The following MAPK14 variants were observed in gnomAD, a reference collection of about 807,000 sequenced individuals.
MAPK14 encodes the protein CSAID-binding protein.
In MAPK14, 16 loss-of-function variants were observed where a neutral mutation model predicts 49.6. That is an observed-to-expected ratio of 0.32 (90% CI 0.22 to 0.49). The LOEUF is 0.49. MAPK14 is among the 20% of genes least tolerant of loss of function. The pLI, the probability that MAPK14 is intolerant of heterozygous loss-of-function variation, is 0.99. For synonymous variants in MAPK14, 142 were observed against 158.0 expected (o/e 0.90, Z 0.76); for missense variants, 200 against 441.2 (o/e 0.45, Z 4.90).
chr6:36,050,596 G>A (rs1169493111), intron 1 of MAPK14, among the ~76,000 whole-genome samples: 2 of 152,176 alleles, frequency 1.3e-5, no homozygotes, highest in Non-Finnish European at 2.9e-5. Flanking sequence ...AGATCTTCTG[G>A]ATAGAAACTA....
chr6:36,071,408 G>T (rs914455980), intron 3 of MAPK14, among the ~76,000 whole-genome samples: 1 of 152,102 alleles, frequency 6.6e-6, no homozygotes, highest in Non-Finnish European at 1.5e-5. Flanking sequence ...ATACAGTAAT[G>T]AGTGGGTTAA....
At chr6:36,091,652 T>C (rs1432949801) in intron 8 of MAPK14, among the ~76,000 whole-genome samples, 1 of 152,216 alleles carries the variant, frequency 6.6e-6, no homozygotes, top group Non-Finnish European at 1.5e-5. Context: ...ATTTGCCAGC[T>C]TTTGAAGAAC....
intron 8 of MAPK14, among the ~76,000 whole-genome samples, chr6:36,090,138 T>TA (rs536628500): frequency 8.7e-4 from 99 of 113,600 alleles, no homozygotes; most frequent in African/African-American, 2.0e-3. Context: ...TTCTTATATA[T>TA]TTTTTTTTAT....
intron 8 of MAPK14, chr6:36,092,420 G>T (rs1353928844): frequency 2.9e-6 from 2 of 678,248 alleles, no homozygotes; most frequent in African/African-American, 3.6e-5. Context: ...TCACCAGAAC[G>T]ATACACTCGT....
chr6:36,062,607 C>T (rs1763865778), intron 3 of MAPK14, among the ~76,000 whole-genome samples: 1 of 150,806 alleles, frequency 6.6e-6, no homozygotes, highest in South Asian at 2.1e-4. Flanking sequence ...TGCTAATTAG[C>T]AAAATCTCTA....
chr6:36,045,405 T>C (rs975804805), intron 1 of MAPK14, among the ~76,000 whole-genome samples: 9 of 152,108 alleles, frequency 5.9e-5, no homozygotes, highest in African/African-American at 1.9e-4. Flanking sequence ...ACCTGGTTGG[T>C]TTTTATTGTA....
intron 3 of MAPK14, among the ~76,000 whole-genome samples, chr6:36,061,367 TA>T (rs1763814737): frequency 6.6e-6 from 1 of 152,190 alleles, no homozygotes. Context: ...TTTAGAAGGT[TA>T]AGTGTTACTG....
At chr6:36,076,103 T>C (rs1764521386) in intron 7 of MAPK14, 141 bp downstream of exon 7, 2 of 850,226 alleles carry the variant, frequency 2.4e-6, no homozygotes. Flanking sequence ...CAAGTAAAAA[T>C]ATTTCACTTC....
intron 9 of MAPK14, among the ~76,000 whole-genome samples, chr6:36,098,953 A>G (rs771458118): frequency 3.3e-5 from 5 of 152,180 alleles, no homozygotes; most frequent in Non-Finnish European, 7.3e-5. Flanking sequence ...TGTATTTCCT[A>G]TCCCCTTTTG....
intron 8 of MAPK14, among the ~76,000 whole-genome samples, chr6:36,082,152 G>A (rs1489265441): frequency 6.6e-6 from 1 of 152,148 alleles, no homozygotes; most frequent in African/African-American, 2.4e-5. Flanking sequence ...TATGTATAGG[G>A]TTATGTCATC....
At chr6:36,083,585 C>T (rs748330598) in intron 8 of MAPK14, among the ~76,000 whole-genome samples, 7 of 152,190 alleles carry the variant, frequency 4.6e-5, no homozygotes, top group Admixed American at 6.5e-5. Context: ...GGTGGTGGCA[C>T]ATCATGGCCA....
intron 1 of MAPK14, among the ~76,000 whole-genome samples, chr6:36,039,367 G>A (rs1257692139): frequency 6.6e-6 from 1 of 152,062 alleles, no homozygotes; most frequent in East Asian, 1.9e-4. Flanking sequence ...GAACATGTTG[G>A]CTCCTGTTAT....
intron 3 of MAPK14, among the ~76,000 whole-genome samples, chr6:36,059,781 G>T (rs1244982628): frequency 6.6e-6 from 1 of 152,090 alleles, no homozygotes; most frequent in East Asian, 1.9e-4. Context: ...GCCTCCTGAG[G>T]AGCTGGAACT....
intron 1 of MAPK14, chr6:36,029,281 G>T (rs796443608): frequency 9.2e-5 from 14 of 152,092 alleles, no homozygotes; most frequent in Admixed American, 8.5e-4. Flanking sequence ...GATGGTTTTC[G>T]TAAGGATATG....
At chr6:36,047,965 A>G (rs907990104) in intron 1 of MAPK14, among the ~76,000 whole-genome samples, 2 of 151,962 alleles carry the variant, frequency 1.3e-5, no homozygotes, top group Non-Finnish European at 1.5e-5. Context: ...GCTGGTCTCA[A>G]ACTCCTAACC....
At chr6:36,087,317 A>G (rs1765025730) in intron 8 of MAPK14, among the ~76,000 whole-genome samples, 1 of 152,234 alleles carries the variant, frequency 6.6e-6, no homozygotes, top group Non-Finnish European at 1.5e-5. Context: ...AAGAAAGGGT[A>G]TTCAAATAGG....
intron 10 of MAPK14, among the ~76,000 whole-genome samples, chr6:36,105,001 G>A (rs535740581): frequency 6.6e-6 from 1 of 152,230 alleles, no homozygotes; most frequent in African/African-American, 2.4e-5. Flanking sequence ...GCATTTAAAC[G>A]TGCCTTACAG....
intron 1 of MAPK14, among the ~76,000 whole-genome samples, chr6:36,044,225 AT>A (rs1378392981): frequency 6.6e-6 from 1 of 152,196 alleles, no homozygotes; most frequent in East Asian, 1.9e-4. Flanking sequence ...AGTAAACCAA[AT>A]TGTGTTTATC....
At chr6:36,094,895 A>T (rs1007909573) in intron 8 of MAPK14, among the ~76,000 whole-genome samples, 3 of 152,026 alleles carry the variant, frequency 2.0e-5, no homozygotes, top group Non-Finnish European at 4.4e-5. Flanking sequence ...TGTTGAGGGG[A>T]GGCCTCCCTT....
Sources: allele counts gnomAD v4.1 joint callset (sites outside exome capture counted in the v4.1 genomes callset), GRCh38; gene constraint gnomAD v4.1.1; transcripts MANE v1.5; gene names NCBI Gene and HGNC (gene_info 2026-07-23, HGNC 2026-07-21).